GLI2: variants seen among roughly 807,000 people sequenced by gnomAD.
GLI2 encodes transcription activator GLI2.
In GLI2, 22 loss-of-function variants were observed where a neutral mutation model predicts 78.9. The ratio of observed to expected loss-of-function variants is 0.28; its 90% CI spans 0.20 to 0.40. The LOEUF is 0.40. GLI2 is among the 10% of genes least tolerant of loss of function. The probability of loss-of-function intolerance (pLI) is 1.00; values close to 1 mark genes in which losing one functional copy is unlikely to be tolerated. For synonymous variants in GLI2, 974 were observed against 963.7 expected, an observed-to-expected ratio of 1.01 and a Z score of -0.20; for missense variants, 2,097 against 2,213.2, an observed-to-expected ratio of 0.95 and a Z score of 1.05.
At chr2:120,748,584 C>T (rs114676373) in intron 1 of GLI2, among the ~76,000 whole-genome samples, 1 of 152,132 alleles carries the variant, frequency 6.6e-6, no homozygotes, top group South Asian at 2.1e-4. Context: ...CCGGATGACT[C>T]CTCTGCCTAT....
At chr2:120,813,011 A>AC (rs983607181) in intron 2 of GLI2, among the ~76,000 whole-genome samples, 2 of 150,064 alleles carry the variant, frequency 1.3e-5, no homozygotes, top group African/African-American at 4.9e-5. Flanking sequence ...TGGGAGATGG[A>AC]CCCCCAGCAC....
intron 1 of GLI2, among the ~76,000 whole-genome samples, chr2:120,767,756 C>T (rs536696431): frequency 6.6e-6 from 1 of 152,358 alleles, no homozygotes; most frequent in African/African-American, 2.4e-5. Flanking sequence ...GGCCTTAACC[C>T]AGGCGCTTGT....
At chr2:120,748,554 G>T (rs116711354) in intron 1 of GLI2, among the ~76,000 whole-genome samples, 1 of 152,274 alleles carries the variant, frequency 6.6e-6, no homozygotes, top group African/African-American at 2.4e-5. Flanking sequence ...TTGCCTCCAA[G>T]GGGTGGCTTT....
intron 2 of GLI2, among the ~76,000 whole-genome samples, chr2:120,803,348 TCGAAAA>T (rs1684788336): frequency 7.6e-6 from 1 of 130,722 alleles, no homozygotes; most frequent in African/African-American, 2.5e-5. Flanking sequence ...GGGAAGTGCT[TCGAAAA>T]GTGTTGGGCA....
At chr2:120,918,732 C>A (rs148668088) in intron 2 of GLI2, among the ~76,000 whole-genome samples, 3 of 152,348 alleles carry the variant, frequency 2.0e-5, no homozygotes, top group African/African-American at 7.2e-5. Flanking sequence ...TGAGCCACTG[C>A]GCCCAGCCCA....
chr2:120,757,859 A>G (rs1400317661), intron 1 of GLI2, among the ~76,000 whole-genome samples: 2 of 152,104 alleles, frequency 1.3e-5, no homozygotes, highest in African/African-American at 4.8e-5. Flanking sequence ...TCGTTCCTTC[A>G]TTGCCTGATG....
intron 2 of GLI2, among the ~76,000 whole-genome samples, chr2:120,915,661 T>C (rs1679063367): frequency 6.6e-6 from 1 of 152,182 alleles, no homozygotes; most frequent in Non-Finnish European, 1.5e-5. Flanking sequence ...CCTGGTCACC[T>C]GGGCTCACGT....
chr2:120,963,436 C>T (rs543382409), intron 5 of GLI2, among the ~76,000 whole-genome samples: 1 of 152,146 alleles, frequency 6.6e-6, no homozygotes, highest in Admixed American at 6.5e-5. Context: ...GCCTCTGCAT[C>T]TTGTGTGTGT....
chr2:120,868,015 TCCTGCCCCC>T (rs1688233565), intron 2 of GLI2, among the ~76,000 whole-genome samples: 1 of 152,122 alleles, frequency 6.6e-6, no homozygotes, highest in Admixed American at 6.5e-5. Flanking sequence ...AGGCGTTCTT[TCCTGCCCCC>T]CCAGCCTCCC....
intron 1 of GLI2, among the ~76,000 whole-genome samples, chr2:120,780,008 C>T (rs1284694246): frequency 2.0e-5 from 3 of 151,772 alleles, no homozygotes; most frequent in Non-Finnish European, 4.4e-5. Context: ...TTTTCAGCCC[C>T]GTAGACATCA....
chr2:120,766,216 G>A (rs894036259), intron 1 of GLI2, among the ~76,000 whole-genome samples: 3 of 152,232 alleles, frequency 2.0e-5, no homozygotes, highest in Admixed American at 1.3e-4. Flanking sequence ...TCCAGCTGTG[G>A]CGCCTCAGTT....
At chr2:120,981,511 C>G (rs1025641957) in intron 10 of GLI2, among the ~76,000 whole-genome samples, 1 of 152,150 alleles carries the variant, frequency 6.6e-6, no homozygotes, top group Non-Finnish European at 1.5e-5. Context: ...TTCATTGCAA[C>G]AAGTTATTTT....
intron 1 of GLI2, among the ~76,000 whole-genome samples, chr2:120,793,555 C>T (rs551546071): frequency 6.6e-6 from 1 of 152,298 alleles, no homozygotes; most frequent in African/African-American, 2.4e-5. Flanking sequence ...AGAAATTGTG[C>T]TAATCCCGCT....
At chr2:120,778,326 G>C (rs1228599535) in intron 1 of GLI2, among the ~76,000 whole-genome samples, 1 of 152,124 alleles carries the variant, frequency 6.6e-6, no homozygotes, top group South Asian at 2.1e-4. Context: ...AGAACTCGAC[G>C]TTAGCTCCTC....
At chr2:120,891,225 G>A (rs73949954) in intron 2 of GLI2, among the ~76,000 whole-genome samples, 5,770 of 152,236 alleles carry the variant, frequency 0.038, 341 homozygotes, top group African/African-American at 0.13. Context: ...GGGGTGTCTG[G>A]TGGATAAAGA....
At chr2:120,968,943 G>A in intron 6 of GLI2, 28 bp downstream of exon 6, 2 of 1,582,668 alleles carry the variant, frequency 1.3e-6, no homozygotes, top group East Asian at 2.2e-5. Flanking sequence ...GCAGAGAGCT[G>A]AGGACCAGAG....
At chr2:120,873,723 C>T (rs1409943927) in intron 2 of GLI2, among the ~76,000 whole-genome samples, 1 of 152,228 alleles carries the variant, frequency 6.6e-6, no homozygotes, top group East Asian at 1.9e-4. Flanking sequence ...GGGCTGGGAA[C>T]ATCCCTCCAG....
In GLI2 at chr2:120,988,357, T is replaced by G; in HGVS notation, c.2392T>G (p.Ser798Ala). 1 of 1,573,936 alleles carries G rather than the reference T, an allele frequency of 6.4e-7. No individual in the cohort carries two copies. Among genetic ancestry groups the G allele is most frequent in the Non-Finnish European group, 8.6e-7 (1 of 1,168,004 alleles). ...CGACAGCTCCACCAGCACGGTCAGC[T>G]CGGCCTACACCGTGAGCCGCCGCTC... ...RRDSSTSTVS[S>A]AYTVSRRSSG... Residue 798 changes from serine to alanine, a missense_variant, in exon 14 of 14, where the codon TCG becomes GCG. Physicochemically the swap from Ser to Ala is moderately conservative, Grantham distance 99 (BLOSUM62 1). This residue lies in a region of GLI2 where 1,290 missense variants were observed against 1,261.7 expected (regional missense o/e 1.02). Transcript: ENST00000361492.
intron 1 of GLI2, among the ~76,000 whole-genome samples, chr2:120,791,696 A>C (rs1684162949): frequency 6.6e-6 from 1 of 152,210 alleles, no homozygotes; most frequent in South Asian, 2.1e-4. Flanking sequence ...CTCTGCATGT[A>C]ACTACATGTA....
Sources: allele counts gnomAD v4.1 joint callset (sites outside exome capture counted in the v4.1 genomes callset), GRCh38; gene constraint gnomAD v4.1.1; regional missense constraint gnomAD v4.1.1; transcripts MANE v1.5; gene names NCBI Gene and HGNC (gene_info 2026-07-23, HGNC 2026-07-21).